Variants in SYNE1 observed in about 807,000 individuals in gnomAD.
SYNE1 encodes spectrin repeat containing nuclear envelope protein 1.
In SYNE1, 616 loss-of-function variants were observed where a neutral mutation model predicts 1,111.0. The observed-to-expected ratio is 0.55, with a 90% CI of 0.52 to 0.59. SYNE1 has a LOEUF of 0.59. SYNE1 is among the 20% of genes least tolerant of loss of function. SYNE1 has a pLI of 0.00. For synonymous variants in SYNE1, 3,855 were observed against 3,825.8 expected (o/e 1.01, Z -0.28); for missense variants, 10,006 against 10,417.0 (o/e 0.96, Z 1.72).
intron 3 of SYNE1, among the ~76,000 whole-genome samples, chr6:152,622,615 G>T (rs1460377096): frequency 6.6e-6 from 1 of 152,088 alleles, no homozygotes; most frequent in East Asian, 1.9e-4. Flanking sequence ...TTTTATGGCT[G>T]CATAGTATTC....
chr6:152,442,199 T>A lies in SYNE1; in HGVS notation c.3884A>T (p.Gln1295Leu). The A allele has an allele frequency of 6.2e-7, 1 of 1,613,648 alleles. No individual in the cohort carries two copies. The highest frequency in any genetic ancestry group is 1.3e-5 in the African/African-American group (1 of 75,058). ...ISAKKRDVQQQIAQAQQGEGG... is the reference protein window; with the variant it reads ...ISAKKRDVQQLIAQAQQGEGG... ...TTCTCCCTGCTGCGCCTGCGCGATCTGCTGCTGCACATCTCTCTTCTTTGC... is the reference window on the plus strand; with the variant it reads ...TTCTCCCTGCTGCGCCTGCGCGATCAGCTGCTGCACATCTCTCTTCTTTGC... Residue 1295 changes from glutamine to leucine, a missense_variant, in exon 31 of 146, where the codon CAG (glutamine) becomes CTG (leucine). Gln to Leu is a moderately radical substitution (Grantham distance 113, BLOSUM62 -2). Transcript: ENST00000367255.
At chr6:152,614,834 G>T (rs532188116) in intron 3 of SYNE1, among the ~76,000 whole-genome samples, 4 of 152,208 alleles carry the variant, frequency 2.6e-5, no homozygotes, top group Admixed American at 2.6e-4. Flanking sequence ...CCTTTGCAGG[G>T]GCATGGATGA....
intron 11 of SYNE1, among the ~76,000 whole-genome samples, chr6:152,496,674 T>A (rs2099001060): frequency 6.6e-6 from 1 of 151,900 alleles, no homozygotes; most frequent in South Asian, 2.1e-4. Context: ...CTGAGAAACA[T>A]CCCCCACAAA....
chr6:152,409,024 G>T, intron 44 of SYNE1, 44 bp downstream of exon 44: 4 of 1,562,214 alleles, frequency 2.6e-6, no homozygotes, highest in Non-Finnish European at 3.5e-6. Context: ...ATTGGGGAAT[G>T]TGAATATTTA....
chr6:152,230,008 T>C (rs927409496), intron 115 of SYNE1, among the ~76,000 whole-genome samples: 1 of 149,322 alleles, frequency 6.7e-6, no homozygotes, highest in Non-Finnish European at 1.5e-5. Context: ...CTATGATATC[T>C]ATTTTAGAAA....
chr6:152,462,851 A>T lies in SYNE1; in HGVS notation c.2137T>A (p.Tyr713Asn). ...ADEMDRMKKE[Y>N]TDCVVTLSAF... ...GACAGGGTAACAACACAGTCTGTGTATTCCTTCTTCATTCTGTCCATCTCA... is the reference window on the plus strand; with the variant it reads ...GACAGGGTAACAACACAGTCTGTGTTTTCCTTCTTCATTCTGTCCATCTCA... The change falls in exon 20 of 146, where the codon TAC (tyrosine) becomes AAC (asparagine). Residue 713 changes from tyrosine (Y) to asparagine (N), a missense_variant. Tyr to Asn is a moderately radical substitution (Grantham distance 143). Coordinates refer to ENST00000367255, the MANE Select transcript of SYNE1 (RefSeq NM_182961.4). The T allele has an allele frequency of 6.2e-7, 1 of 1,614,010 alleles. No homozygotes were observed. The highest frequency in any genetic ancestry group is 8.5e-7 in the Non-Finnish European group (1 of 1,179,946).
At chr6:152,204,314 C>CAAG (rs2076084264) in intron 126 of SYNE1, among the ~76,000 whole-genome samples, 2 of 146,816 alleles carry the variant, frequency 1.4e-5, no homozygotes, top group Non-Finnish European at 3.0e-5. Flanking sequence ...TGCAATTAGC[C>CAAG]AAGACTGCAC....
intron 140 of SYNE1, among the ~76,000 whole-genome samples, chr6:152,138,278 A>G (rs1179875148): frequency 2.6e-5 from 4 of 152,114 alleles, no homozygotes; most frequent in Admixed American, 1.3e-4. Context: ...TGGGAGGCCG[A>G]GGCGGGCGGA....
intron 3 of SYNE1, among the ~76,000 whole-genome samples, chr6:152,618,941 AACTGAATACTTATGATTAAC>A (rs1354529096): frequency 6.6e-6 from 1 of 152,176 alleles, no homozygotes; most frequent in African/African-American, 2.4e-5. Flanking sequence ...ACTTATGATT[AACTGAATACTTATGATTAAC>A]ACTGAATACT....
chr6:152,228,985 A>G (rs1285416026), intron 115 of SYNE1, among the ~76,000 whole-genome samples: 1 of 152,122 alleles, frequency 6.6e-6, no homozygotes, highest in Non-Finnish European at 1.5e-5. Context: ...TTCTTTATCA[A>G]TTTTATGCAG....
intron 72 of SYNE1, among the ~76,000 whole-genome samples, chr6:152,349,013 G>A (rs137867542): frequency 1.7e-3 from 252 of 152,306 alleles, no homozygotes; most frequent in African/African-American, 5.7e-3. Context: ...GTGCCTACCA[G>A]AAGGTATTGT....
In SYNE1 at chr6:152,244,565, G is replaced by A. The variant is rs768170282; in HGVS notation, c.19664C>T (p.Pro6555Leu). ...GAGCTTGGAGAGTTCTTGCATGGAC[G>A]GCTGCTCGACCTGTAGCTTGTCACC... ...RRGDKLQVEQ[P>L]SMQELSKLQD... Residue 6555 changes from proline (P) to leucine (L), a missense_variant, in exon 106 of 146, where the codon CCG becomes CTG. Physicochemically the swap from Pro to Leu is moderately conservative, Grantham distance 98. Coordinates refer to ENST00000367255, the MANE Select transcript of SYNE1 (RefSeq NM_182961.4). 6.2e-6 allele frequency: 10 copies of A among 1,613,920 alleles called. No homozygotes were observed. The highest frequency in any genetic ancestry group is 1.3e-5 in the African/African-American group (1 of 74,912).
intron 74 of SYNE1, among the ~76,000 whole-genome samples, chr6:152,339,689 A>T (rs2096489460): frequency 6.6e-6 from 1 of 152,220 alleles, no homozygotes; most frequent in Admixed American, 6.5e-5. Flanking sequence ...CAGAGAAAGA[A>T]TTTGTAGCCT....
At position 152,196,908 on chromosome 6, in the gene SYNE1, C is replaced by T. The variant is rs118113419; in HGVS notation, c.23145+4916G>A. 4.1e-3 allele frequency among the ~76,000 whole-genome samples: 630 copies of T among 152,284 alleles called. 5 individuals carry two copies. Among genetic ancestry groups the T allele is most frequent in the Middle Eastern group, 0.02 (6 of 294 alleles). On this transcript the variant is annotated intron_variant, in intron 127 of 145. Coordinates refer to ENST00000367255, the MANE Select transcript of SYNE1 (RefSeq NM_182961.4). ...TTCAAATTTATGTAGGACCCCAGAG[C>T]ATTTTAGCCCATGGTAGCAAGTGCT...
chr6:152,466,645 T>A (rs2098770130), intron 16 of SYNE1, among the ~76,000 whole-genome samples: 2 of 152,160 alleles, frequency 1.3e-5, no homozygotes, highest in Non-Finnish European at 2.9e-5. Context: ...CATGTTTATA[T>A]ATCTATTTGT....
intron 127 of SYNE1, among the ~76,000 whole-genome samples, chr6:152,193,242 A>G (rs1360058140): frequency 6.6e-6 from 1 of 152,066 alleles, no homozygotes; most frequent in Non-Finnish European, 1.5e-5. Flanking sequence ...ATGTTTTCAG[A>G]CTTGAGGTTA....
chr6:152,456,564 A>G (rs1304971675), intron 22 of SYNE1: 2 of 245,582 alleles, frequency 8.1e-6, no homozygotes, highest in African/African-American at 4.6e-5. Context: ...TATTAATGAA[A>G]TGGTAGGGTT....
At chr6:152,576,921 G>C (rs1310624175) in intron 3 of SYNE1, among the ~76,000 whole-genome samples, 1 of 152,146 alleles carries the variant, frequency 6.6e-6, no homozygotes, top group East Asian at 1.9e-4. Context: ...AAATAGATTG[G>C]GGTCTAAAGC....
intron 127 of SYNE1, among the ~76,000 whole-genome samples, chr6:152,189,842 T>C (rs566709221): frequency 9.8e-5 from 15 of 152,334 alleles, no homozygotes; most frequent in Middle Eastern, 3.4e-3. Context: ...CCAGTGGTGA[T>C]TGATGAAGGC....
Sources: allele counts gnomAD v4.1 joint callset (sites outside exome capture counted in the v4.1 genomes callset), GRCh38; gene constraint gnomAD v4.1.1; transcripts MANE v1.5; gene names NCBI Gene and HGNC (gene_info 2026-07-23, HGNC 2026-07-21).